The following HCRTR2 variants were observed in gnomAD, a reference collection of about 807,000 sequenced individuals.
HCRTR2 encodes the protein orexin receptor type 2.
In HCRTR2, 22 loss-of-function variants were observed where a neutral mutation model predicts 49.0. The ratio of observed to expected loss-of-function variants is 0.45; its 90% CI spans 0.32 to 0.64. The LOEUF (loss-of-function observed/expected upper bound fraction) is 0.64, where lower values mean the gene tolerates loss of function less well. Ranked by LOEUF, HCRTR2 falls within the 30% of genes least tolerant of loss-of-function variation. The pLI is 0.04. For synonymous variants in HCRTR2, 236 were observed against 205.3 expected, an observed-to-expected ratio of 1.15 and a Z score of -1.28; for missense variants, 491 against 559.4, an observed-to-expected ratio of 0.88 and a Z score of 1.23.
rs74720027 is a variant in HCRTR2, at chr6:55,277,494, A to G, written c.877A>G (p.Ile293Val). The G allele has an allele frequency of 1.8e-3, 2,872 of 1,614,120 alleles. 7 individuals carry two copies. The highest frequency in any genetic ancestry group is 2.2e-3 in the Non-Finnish European group (2,548 of 1,180,018). Residue 293 changes from isoleucine to valine, a missense_variant, in exon 5 of 7, where the codon ATA becomes GTA. Physicochemically the swap from Ile to Val is conservative, Grantham distance 29. Coordinates refer to ENST00000370862, the MANE Select transcript of HCRTR2 (RefSeq NM_001384272.1). ...KSRMSAVAAE[I>V]KQIRARRKTA... ...CCGGATGAGCGCTGTGGCGGCTGAA[A>G]TAAAGCAGATCCGAGCCAGAAGGAA... is the stretch of plus-strand genomic sequence containing the variant.
intron 1 of HCRTR2, among the ~76,000 whole-genome samples, chr6:55,201,448 A>C (rs769663508): frequency 6.6e-6 from 1 of 152,142 alleles, no homozygotes; most frequent in African/African-American, 2.4e-5. Flanking sequence ...ATATATGTTC[A>C]CTTCAAAAAC....
rs145222475 is a variant in HCRTR2 at position 55,155,343 on chromosome 6, T to C, written c.-377-18868T>C. On this transcript the variant is annotated intron_variant, in intron 1 of 7. Transcript: ENST00000615358. ...CTTCCAAATTTCAAAGCCTGGTTCC[T>C]AATTTTTACTTGAAATACCAAATAA... Among the ~76,000 whole-genome samples the C allele has an allele frequency of 6.4e-3, 979 of 152,080 alleles. 12 individuals are homozygous for C. The highest frequency in any genetic ancestry group is 0.022 in the African/African-American group (898 of 41,538).
At chr6:55,231,716 A>G (rs112418896) in intron 1 of HCRTR2, among the ~76,000 whole-genome samples, 1 of 152,230 alleles carries the variant, frequency 6.6e-6, no homozygotes, top group Non-Finnish European at 1.5e-5. Flanking sequence ...CAGACTTGTG[A>G]GGTGGTTAAA....
intron 1 of HCRTR2, among the ~76,000 whole-genome samples, chr6:55,125,335 T>C (rs1196462593): frequency 6.6e-6 from 1 of 152,200 alleles, no homozygotes; most frequent in Non-Finnish European, 1.5e-5. Context: ...CAGCATTTGC[T>C]TTTCTGTAAA....
chr6:55,159,453 T>G (rs984449092), intron 1 of HCRTR2, among the ~76,000 whole-genome samples: 1 of 152,062 alleles, frequency 6.6e-6, no homozygotes, highest in Non-Finnish European at 1.5e-5. Flanking sequence ...TCACAATTCC[T>G]CACCAGCAAG....
intron 1 of HCRTR2, among the ~76,000 whole-genome samples, chr6:55,237,872 T>C (rs147016611): frequency 6.6e-6 from 1 of 152,334 alleles, no homozygotes; most frequent in Non-Finnish European, 1.5e-5. Flanking sequence ...TTCTGGATAT[T>C]CTCAACCAGG....
At chr6:55,109,514 G>A (rs1764020831) in intron 1 of HCRTR2, among the ~76,000 whole-genome samples, 1 of 151,848 alleles carries the variant, frequency 6.6e-6, no homozygotes, top group Admixed American at 6.6e-5. Flanking sequence ...AGAGAAATAG[G>A]TAGCATAAGA....
At chr6:55,270,882 T>C (rs1403668176) in intron 4 of HCRTR2, among the ~76,000 whole-genome samples, 2 of 152,262 alleles carry the variant, frequency 1.3e-5, no homozygotes, top group South Asian at 2.1e-4. Context: ...CAAAATATCA[T>C]TGAAAAAACT....
At chr6:55,132,751 C>CT (rs35184458) in intron 1 of HCRTR2, among the ~76,000 whole-genome samples, 3,609 of 139,812 alleles carry the variant, frequency 0.026, 68 homozygotes, top group East Asian at 0.088. Flanking sequence ...CTCTCTCTCT[C>CT]TTTTTTTTTT....
intron 1 of HCRTR2, chr6:55,240,715 GAT>G (rs1196609074): frequency 4.2e-5 from 15 of 360,154 alleles, no homozygotes; most frequent in Middle Eastern, 3.8e-4. Context: ...ACCTTTTTAA[GAT>G]AATACTCCTG....
At chr6:55,227,916 T>C (rs1473865611) in intron 1 of HCRTR2, among the ~76,000 whole-genome samples, 3 of 152,188 alleles carry the variant, frequency 2.0e-5, no homozygotes, top group Non-Finnish European at 2.9e-5. Context: ...TGATTATTTT[T>C]CCTAATAAGT....
chr6:55,208,761 G>C (rs897992041), intron 1 of HCRTR2, among the ~76,000 whole-genome samples: 1 of 152,124 alleles, frequency 6.6e-6, no homozygotes, highest in Non-Finnish European at 1.5e-5. Context: ...ATGTAATGCA[G>C]CCATGATTGT....
intron 1 of HCRTR2, among the ~76,000 whole-genome samples, chr6:55,220,200 C>A (rs1765865948): frequency 6.6e-6 from 1 of 152,078 alleles, no homozygotes; most frequent in Non-Finnish European, 1.5e-5. Context: ...TTTATGAGTC[C>A]AGCATTTTCC....
intron 3 of HCRTR2, among the ~76,000 whole-genome samples, chr6:55,257,616 T>C (rs986359943): frequency 1.3e-5 from 2 of 151,934 alleles, no homozygotes; most frequent in Non-Finnish European, 2.9e-5. Context: ...ATTATGATTA[T>C]GTAAATAGAC....
At chr6:55,241,546 C>G (rs760408207) in intron 1 of HCRTR2, among the ~76,000 whole-genome samples, 1 of 151,930 alleles carries the variant, frequency 6.6e-6, no homozygotes, top group Non-Finnish European at 1.5e-5. Context: ...ACCAAGAAAT[C>G]GCAAAGTGTT....
chr6:55,208,855 C>A (rs1765650134), intron 1 of HCRTR2, among the ~76,000 whole-genome samples: 1 of 152,058 alleles, frequency 6.6e-6, no homozygotes, highest in South Asian at 2.1e-4. Context: ...ATAAAAGAAC[C>A]ATGCATTAAA....
At chr6:55,251,445 A>G (rs1562022372) in intron 2 of HCRTR2, among the ~76,000 whole-genome samples, 1 of 152,100 alleles carries the variant, frequency 6.6e-6, no homozygotes, top group African/African-American at 2.4e-5. Flanking sequence ...GTATTCAGCT[A>G]TTTGCTGAAC....
At chr6:55,160,215 C>G (rs1488737561) in intron 1 of HCRTR2, among the ~76,000 whole-genome samples, 1 of 152,124 alleles carries the variant, frequency 6.6e-6, no homozygotes. Context: ...TTTCAACCCA[C>G]AATTTCATAT....
intron 2 of HCRTR2, among the ~76,000 whole-genome samples, chr6:55,251,227 A>G (rs1184598896): frequency 6.6e-6 from 1 of 152,140 alleles, no homozygotes; most frequent in Non-Finnish European, 1.5e-5. Flanking sequence ...ATTTTAGATT[A>G]CTTGGACGTT....
Sources: gnomAD v4.1 joint callset for allele counts (sites outside exome capture counted in the v4.1 genomes callset) on GRCh38, gnomAD v4.1.1 for gene constraint, MANE v1.5 for transcripts, NCBI Gene and HGNC (gene_info 2026-07-23, HGNC 2026-07-21) for gene names.